The following DLGAP4 variants were observed in gnomAD, a reference collection of about 807,000 sequenced individuals.
The protein encoded by DLGAP4 is disks large-associated protein 4.
Under a neutral mutation model 86.9 loss-of-function variants are expected in DLGAP4, and 18 were observed. That is an observed-to-expected ratio of 0.21 (90% confidence interval 0.14 to 0.31). DLGAP4 has a LOEUF of 0.31. DLGAP4 is among the 10% of genes least tolerant of loss of function. DLGAP4 has a pLI of 1.00. For missense variants in DLGAP4, 1,085 were observed against 1,362.6 expected, an observed-to-expected ratio of 0.80 and a Z score of 3.21; for synonymous variants, 548 against 574.3, an observed-to-expected ratio of 0.95 and a Z score of 0.65.
Position 36,431,157 on chromosome 20 carries a change from G to T in DLGAP4, c.-72-489G>T, listed in dbSNP as rs77131346. Among the ~76,000 whole-genome samples, 4 of 19,318 alleles carry T rather than the reference G, an allele frequency of 2.1e-4. No homozygotes were observed. Among genetic ancestry groups the T allele is most frequent in the Non-Finnish European group, 6.4e-4 (2 of 3,102 alleles). 12.7% of individuals were successfully genotyped at this position (19,318 alleles called of 152,430 possible). On this transcript the variant is annotated intron_variant, in intron 2 of 12. Coordinates refer to ENST00000339266, the MANE Select transcript of DLGAP4 (RefSeq NM_001365621.2). The surrounding 1 kb of genome is among the most constrained non-coding windows in gnomAD (Gnocchi z 5.1). ...TCCAGGGCCAGCACAGGGTCCTCCC[G>T]TGGGAGGTGGACCCTGCCACAGGGA...
intron 2 of DLGAP4, among the ~76,000 whole-genome samples, chr20:36,415,861 G>A (rs1569491915): frequency 6.6e-6 from 1 of 152,168 alleles, no homozygotes; most frequent in Non-Finnish European, 1.5e-5. Flanking sequence ...TGGAGATGGA[G>A]GGGAGGGGCC....
chr20:36,439,404 A>G (rs1305828555), intron 4 of DLGAP4, among the ~76,000 whole-genome samples: 1 of 152,182 alleles, frequency 6.6e-6, no homozygotes, highest in Non-Finnish European at 1.5e-5. Flanking sequence ...AGAAAGATTG[A>G]AGGGCTGGGG....
intron 10 of DLGAP4, among the ~76,000 whole-genome samples, chr20:36,523,284 T>C (rs555625721): frequency 6.6e-6 from 1 of 152,328 alleles, no homozygotes; most frequent in South Asian, 2.1e-4. Context: ...CATGAGCCAC[T>C]ATGCCCGGCT....
chr20:36,458,553 G>T (rs2033942217), intron 7 of DLGAP4, among the ~76,000 whole-genome samples: 1 of 151,368 alleles, frequency 6.6e-6, no homozygotes, highest in Admixed American at 6.6e-5. Flanking sequence ...AAAATACAAA[G>T]CCAGGTGTGA....
intron 2 of DLGAP4, among the ~76,000 whole-genome samples, chr20:36,402,708 T>C (rs988368930): frequency 7.2e-5 from 11 of 152,100 alleles, no homozygotes; most frequent in African/African-American, 2.7e-4. Flanking sequence ...GATCACAAAC[T>C]CCAGCCTGGG....
chr20:36,498,080 C>T (rs148514091), intron 8 of DLGAP4: 1 of 152,414 alleles, frequency 6.6e-6, no homozygotes, highest in African/African-American at 2.4e-5. Context: ...CCAGCCACCC[C>T]TGAGCAATTG....
At chr20:36,404,982 G>A (rs1012949214) in intron 2 of DLGAP4, among the ~76,000 whole-genome samples, 11 of 152,204 alleles carry the variant, frequency 7.2e-5, no homozygotes, top group African/African-American at 2.2e-4. Flanking sequence ...GAGGCGGTGT[G>A]CGCTGGGCCT....
chr20:36,379,384 T>C lies in DLGAP4; in HGVS notation c.-73+12109T>C, dbSNP rs559317529. The stretch of plus-strand genomic sequence containing the variant: ...TGTCTGCAGAGATGCCTTGAGCATC[T>C]GCCGCACATGCTGTTGGAGCAGTTG... On this transcript the variant is annotated intron_variant, in intron 2 of 12. Coordinates refer to ENST00000339266, the MANE Select transcript of DLGAP4 (RefSeq NM_001365621.2). Among the ~76,000 whole-genome samples, 7 of 152,284 alleles carry C rather than the reference T, an allele frequency of 4.6e-5. No homozygotes were observed. In the East Asian group the frequency reaches 1.3e-3, roughly 29 times the overall value.
chr20:36,474,486 G>T (rs529670708), intron 7 of DLGAP4, among the ~76,000 whole-genome samples: 2 of 152,216 alleles, frequency 1.3e-5, no homozygotes, highest in African/African-American at 2.4e-5. Flanking sequence ...GGGCTGTGAC[G>T]AGGACCTATT....
chr20:36,525,466 G>C (rs758372478), intron 11 of DLGAP4: 1 of 290,702 alleles, frequency 3.4e-6, no homozygotes, highest in East Asian at 7.6e-5. Flanking sequence ...AGAGTGACAC[G>C]AGGGAAACAA....
At chr20:36,334,624 C>T (rs1244126901) in intron 1 of DLGAP4, among the ~76,000 whole-genome samples, 3 of 152,034 alleles carry the variant, frequency 2.0e-5, no homozygotes, top group Non-Finnish European at 4.4e-5. Flanking sequence ...GAGGTCAAGG[C>T]GAGGGGCCAA....
chr20:36,449,422 C>T (rs930299080), intron 7 of DLGAP4, among the ~76,000 whole-genome samples: 9 of 152,194 alleles, frequency 5.9e-5, no homozygotes, highest in African/African-American at 1.9e-4. Flanking sequence ...CTACAGCCTC[C>T]GAAAATACAG....
chr20:36,458,110 G>A (rs771694385), intron 7 of DLGAP4, among the ~76,000 whole-genome samples: 3 of 152,058 alleles, frequency 2.0e-5, no homozygotes, highest in Non-Finnish European at 4.4e-5. Context: ...GGAGGGTTGG[G>A]TCTGGCCACC....
chr20:36,405,915 G>A (rs916670914), intron 2 of DLGAP4, among the ~76,000 whole-genome samples: 2 of 152,116 alleles, frequency 1.3e-5, no homozygotes, highest in Admixed American at 6.5e-5. Flanking sequence ...CCCCTGGGGT[G>A]CAGCGATGCT....
At chr20:36,414,851 T>C (rs1262643832) in intron 2 of DLGAP4, among the ~76,000 whole-genome samples, 1 of 152,230 alleles carries the variant, frequency 6.6e-6, no homozygotes, top group Non-Finnish European at 1.5e-5. Context: ...TAATTCTATT[T>C]AAGTTTAATC....
intron 11 of DLGAP4, 58 bp downstream of exon 11, chr20:36,524,399 A>C (rs1600722312): frequency 6.8e-7 from 1 of 1,466,470 alleles, no homozygotes. Flanking sequence ...TGCCCACTAT[A>C]CTCTGCCAGC....
chr20:36,461,973 T>TC (rs1000674336), intron 7 of DLGAP4: 1 of 984,628 alleles, frequency 1.0e-6, no homozygotes, highest in Non-Finnish European at 1.2e-6. Flanking sequence ...TCTTCGGGAC[T>TC]CCCCCTCAGA....
At chr20:36,395,775 C>A (rs1368581546) in intron 2 of DLGAP4, among the ~76,000 whole-genome samples, 2 of 152,126 alleles carry the variant, frequency 1.3e-5, no homozygotes, top group Non-Finnish European at 2.9e-5. Context: ...CCGGACCTGG[C>A]CAGCACTGCC....
chr20:36,442,796 C>T lies in DLGAP4; in HGVS notation c.1407+19C>T, dbSNP rs370648240. 5 of 1,614,086 alleles carry T rather than the reference C, an allele frequency of 3.1e-6. No individual in the cohort carries two copies. The Admixed American group carries it at 6.7e-5, about 22-fold the overall frequency. On this transcript the variant is annotated intron_variant, in intron 6 of 12. Transcript: ENST00000339266. The stretch of plus-strand genomic sequence containing the variant: ...GCAGCAGGTCAGTATGTTTGCCCTT[C>T]TCTTCCACCCCAATCCCAGAGTGTA...
Sources: gnomAD v4.1 joint callset for allele counts (sites outside exome capture counted in the v4.1 genomes callset) on GRCh38, gnomAD v4.1.1 for gene constraint, Gnocchi (gnomAD v3.1) non-coding constraint, MANE v1.5 for transcripts, NCBI Gene and HGNC (gene_info 2026-07-23, HGNC 2026-07-21) for gene names.